Variants in LRCH1 observed in about 807,000 individuals in gnomAD.
The protein encoded by LRCH1 is leucine-rich repeat and calponin homology domain-containing protein 1.
Under a neutral mutation model 94.9 loss-of-function variants are expected in LRCH1, and 23 were observed. The observed-to-expected ratio is 0.24, with a 90% CI of 0.17 to 0.34. The LOEUF (loss-of-function observed/expected upper bound fraction) is 0.34. LRCH1 is among the 10% of genes least tolerant of loss of function. The pLI, the probability that LRCH1 is intolerant of heterozygous loss-of-function variation, is 1.00. For missense variants in LRCH1, 790 were observed against 945.9 expected (o/e 0.84, Z 2.16); for synonymous variants, 364 against 354.9 (o/e 1.03, Z -0.29).
At chr13:46,634,383 C>T (rs2138050723) in intron 1 of LRCH1, among the ~76,000 whole-genome samples, 1 of 152,342 alleles carries the variant, frequency 6.6e-6, no homozygotes, top group East Asian at 1.9e-4. Flanking sequence ...TCATTTCTCA[C>T]CTGGATCTTT....
chr13:46,604,858 C>T (rs905229136), intron 1 of LRCH1, among the ~76,000 whole-genome samples: 3 of 152,224 alleles, frequency 2.0e-5, no homozygotes, highest in Non-Finnish European at 4.4e-5. Flanking sequence ...TAACGACACA[C>T]ATGCTTTTCT....
chr13:46,711,900 A>G (rs1872084318), intron 14 of LRCH1, 56 bp downstream of exon 14: 8 of 1,294,888 alleles, frequency 6.2e-6, no homozygotes, highest in Admixed American at 1.8e-5. Context: ...CTGGATTGGA[A>G]TATCTTTTAC....
intron 5 of LRCH1, 111 bp downstream of exon 5, chr13:46,686,152 G>A (rs1870602257): frequency 7.2e-6 from 8 of 1,105,776 alleles, no homozygotes; most frequent in South Asian, 3.1e-5. Context: ...CTAATCACTG[G>A]CAAGCGGCAG....
At chr13:46,638,480 T>G (rs2051119501) in intron 1 of LRCH1, among the ~76,000 whole-genome samples, 1 of 152,214 alleles carries the variant, frequency 6.6e-6, no homozygotes, top group Non-Finnish European at 1.5e-5. Context: ...TCTGCATGAT[T>G]TCTACTTCAA....
At chr13:46,721,447 C>G (rs567347889) in intron 16 of LRCH1, among the ~76,000 whole-genome samples, 6 of 152,178 alleles carry the variant, frequency 3.9e-5, no homozygotes, top group Admixed American at 1.3e-4. Flanking sequence ...ATATATGTCT[C>G]TTTTTTGGTG....
At chr13:46,750,710 C>A in exon 19 of LRCH1, 2 of 1,160,588 alleles carry the variant, frequency 1.7e-6, no homozygotes, top group Non-Finnish European at 2.5e-6. Flanking sequence ...CTGAACTCTG[C>A]TCCAGGCACC....
chr13:46,634,469 G>C (rs958150172), intron 1 of LRCH1, among the ~76,000 whole-genome samples: 4 of 152,184 alleles, frequency 2.6e-5, no homozygotes, highest in Non-Finnish European at 5.9e-5. Flanking sequence ...CGTAATGCCA[G>C]TCACAGTTCT....
chr13:46,575,138 T>TTC (rs1479882059), intron 1 of LRCH1, among the ~76,000 whole-genome samples: 1 of 152,148 alleles, frequency 6.6e-6, no homozygotes, highest in Non-Finnish European at 1.5e-5. Flanking sequence ...CAGCCTTCCT[T>TTC]TCATTCCTGT....
At chr13:46,681,914 C>A (rs1870324765) in intron 4 of LRCH1, 68 bp downstream of exon 4, 1 of 871,792 alleles carries the variant, frequency 1.1e-6, no homozygotes, top group Non-Finnish European at 1.8e-6. Context: ...GGGGGGTTTA[C>A]TTTTGTGAAG....
intron 1 of LRCH1, among the ~76,000 whole-genome samples, chr13:46,555,040 C>T (rs1020442891): frequency 7.2e-5 from 11 of 152,186 alleles, no homozygotes; most frequent in African/African-American, 2.7e-4. Flanking sequence ...TATTTAGATA[C>T]AGTTCTGAGT....
intron 1 of LRCH1, among the ~76,000 whole-genome samples, chr13:46,582,405 T>G (rs531910398): frequency 8.6e-4 from 106 of 123,930 alleles, no homozygotes; most frequent in Non-Finnish European, 1.4e-3. Context: ...TCATTTCATC[T>G]CTCCAGTGGC....
chr13:46,691,751 G>A (rs1207320371), intron 7 of LRCH1, among the ~76,000 whole-genome samples: 1 of 152,128 alleles, frequency 6.6e-6, no homozygotes, highest in Non-Finnish European at 1.5e-5. Context: ...GTGCAGTGGC[G>A]CGATCTTGGC....
At chr13:46,700,175 T>C (rs1335613271) in intron 10 of LRCH1, among the ~76,000 whole-genome samples, 1 of 152,204 alleles carries the variant, frequency 6.6e-6, no homozygotes, top group East Asian at 1.9e-4. Flanking sequence ...AGTATAGTTT[T>C]TGTTCCCAGG....
intron 17 of LRCH1, among the ~76,000 whole-genome samples, chr13:46,725,467 T>C (rs1872769354): frequency 6.6e-6 from 1 of 152,196 alleles, no homozygotes; most frequent in South Asian, 2.1e-4. Context: ...TTCTAGGTAA[T>C]GGATGTAGGA....
intron 1 of LRCH1, among the ~76,000 whole-genome samples, chr13:46,561,205 G>C (rs77075979): frequency 0.03 from 4,618 of 152,320 alleles, 188 homozygotes; most frequent in African/African-American, 0.094. Flanking sequence ...TGCTGAGGCA[G>C]CTCAACTGAC....
intron 2 of LRCH1, among the ~76,000 whole-genome samples, chr13:46,651,791 C>T (rs1274856049): frequency 6.0e-5 from 9 of 150,690 alleles, no homozygotes; most frequent in Non-Finnish European, 1.3e-4. Context: ...AGCTCCGCCT[C>T]CCGGGTTCAC....
At chr13:46,690,398 ATT>A (rs1338822976) in intron 7 of LRCH1, among the ~76,000 whole-genome samples, 6 of 152,190 alleles carry the variant, frequency 3.9e-5, no homozygotes, top group African/African-American at 1.4e-4. Flanking sequence ...CAAATGGACC[ATT>A]GTTTCAGAAA....
intron 13 of LRCH1, among the ~76,000 whole-genome samples, chr13:46,706,413 A>G (rs1166348948): frequency 6.6e-6 from 1 of 152,138 alleles, no homozygotes; most frequent in Admixed American, 6.5e-5. Context: ...GAATTACTGT[A>G]CCACCTCTTC....
Position 46,719,958 on chromosome 13 carries a change from A to G in LRCH1, c.1760-3263A>G, listed in dbSNP as rs569944082. Among the ~76,000 whole-genome samples the G allele has an allele frequency of 2.8e-4, 43 of 152,348 alleles. No homozygotes were observed. In the East Asian group the frequency reaches 7.1e-3, roughly 25 times the overall value. ...GTTTGCAGTGAGCCGAGATCGTGCC[A>G]CTGCACTCCAGCCTGGGCGACAGAC... On this transcript the variant is annotated intron_variant, in intron 16 of 19. Transcript: ENST00000389797.
Sources: allele counts gnomAD v4.1 joint callset (sites outside exome capture counted in the v4.1 genomes callset), GRCh38; gene constraint gnomAD v4.1.1; transcripts MANE v1.5; gene names NCBI Gene and HGNC (gene_info 2026-07-23, HGNC 2026-07-21).